Variants in HECA observed in about 807,000 individuals in gnomAD.
HECA encodes the protein headcase protein homolog.
HECA carries 13 observed loss-of-function variants against 37.6 expected under a neutral mutation model. That is an observed-to-expected ratio of 0.35 (90% CI 0.23 to 0.55). The LOEUF (loss-of-function observed/expected upper bound fraction) is 0.55, where lower values mean the gene tolerates loss of function less well. Among genes scored for constraint, HECA ranks in the 20% least tolerant of loss-of-function variants. HECA has a pLI of 0.90. For synonymous variants in HECA, 307 were observed against 291.5 expected (o/e 1.05, Z -0.54); for missense variants, 527 against 701.9 (o/e 0.75, Z 2.82).
chr6:139,170,642 G>A (rs1163793515), intron 2 of HECA: 1 of 152,208 alleles, frequency 6.6e-6, no homozygotes, highest in African/African-American at 2.4e-5. Context: ...TGTTTGGTTG[G>A]AGCCAAGGGT....
intron 1 of HECA, 130 bp from the exon 2 acceptor site, chr6:139,166,154 A>G (rs1759504031): frequency 6.7e-6 from 5 of 744,252 alleles, no homozygotes; most frequent in Non-Finnish European, 8.9e-6. Context: ...TTCATCTTTA[A>G]AGGAACCCTG....
chr6:139,146,859 T>TTCCACTGTGTTAGG (rs1774591682), intron 1 of HECA, among the ~76,000 whole-genome samples: 2 of 152,218 alleles, frequency 1.3e-5, no homozygotes, highest in Admixed American at 1.3e-4. Context: ...AATGATACAG[T>TTCCACTGTGTTAGG]TCCACTGTGT....
At position 139,166,930 on chromosome 6, in the gene HECA, T is replaced by A; in HGVS notation, c.918T>A (p.Pro306=). 1.2e-6 allele frequency: 2 copies of A among 1,614,122 alleles called. No individual in the cohort carries two copies. Among genetic ancestry groups the A allele is most frequent in the Non-Finnish European group, 1.7e-6 (2 of 1,180,002 alleles). The change falls in exon 2 of 4, where the codon CCT becomes CCA. Residue 306 remains proline (P), a synonymous_variant. Transcript: ENST00000367658. The part of the protein sequence containing the change: ...EFLKNAIHLE[P]HKKAMAGGHV... ...TAAAGAACGCCATCCATCTGGAGCC[T>A]CACAAGAAGGCCATGGCTGGGGGCC...
chr6:139,173,855 T>C (rs1458299943), intron 2 of HECA, among the ~76,000 whole-genome samples: 1 of 152,218 alleles, frequency 6.6e-6, no homozygotes, highest in Non-Finnish European at 1.5e-5. Flanking sequence ...TTAGATGTGG[T>C]GATGGCTGAG....
Position 139,135,379 on chromosome 6 carries a change from T to G in HECA, c.-18T>G. 1.5e-6 allele frequency: 2 copies of G among 1,347,572 alleles called. No homozygotes were observed. Among genetic ancestry groups the G allele is most frequent in the South Asian group, 1.4e-5 (1 of 72,578 alleles). 83.5% of individuals were successfully genotyped at this position (1,347,572 alleles called of 1,614,324 possible). ...CCTTCGCTGACGCCGGGCACCTACC[T>G]GGACGCGAGCGAGCGAGATGCCCAA... is the stretch of plus-strand genomic sequence containing the variant. On this transcript the variant is annotated 5_prime_UTR_variant, in exon 1 of 4. Coordinates refer to ENST00000367658, the MANE Select transcript of HECA (RefSeq NM_016217.3).
chr6:139,167,115 T>C lies in HECA; in HGVS notation c.1103T>C (p.Met368Thr), dbSNP rs752224117. ...AAGCTGAACACTTTCCACGTGCGCATGGAAGACGATGCCCAAGTGGGCCAG... is the reference window on the plus strand; with the variant it reads ...AAGCTGAACACTTTCCACGTGCGCACGGAAGACGATGCCCAAGTGGGCCAG... Reference protein sequence around the residue: ...RHKLNTFHVRMEDDAQVGQGE... With the variant: ...RHKLNTFHVRTEDDAQVGQGE... Residue 368 changes from methionine to threonine, a missense_variant, in exon 2 of 4, where the codon ATG becomes ACG. Met to Thr is a moderately conservative substitution (Grantham distance 81). This residue lies in a region of HECA where 228 missense variants were observed against 259.8 expected (regional missense o/e 0.88). Transcript: ENST00000367658. 1.9e-6 allele frequency: 3 copies of C among 1,614,188 alleles called. No individual in the cohort carries two copies. The South Asian group carries it at 3.3e-5, about 18-fold the overall frequency.
At chr6:139,148,102 G>C (rs950269825) in intron 1 of HECA, among the ~76,000 whole-genome samples, 1 of 151,924 alleles carries the variant, frequency 6.6e-6, no homozygotes, top group African/African-American at 2.4e-5. Flanking sequence ...TTTCTTGTTT[G>C]TGATTTTTGT....
intron 1 of HECA, among the ~76,000 whole-genome samples, chr6:139,149,858 T>C (rs151189239): frequency 1.1e-4 from 16 of 152,290 alleles, no homozygotes; most frequent in Non-Finnish European, 2.2e-4. Context: ...ATAGCTGACT[T>C]TGGGATTCTT....
At chr6:139,171,398 G>C (rs577700520) in intron 2 of HECA, among the ~76,000 whole-genome samples, 2 of 152,254 alleles carry the variant, frequency 1.3e-5, no homozygotes, top group Non-Finnish European at 2.9e-5. Context: ...CATTAGATGT[G>C]CCCACAAAGA....
Position 139,168,425 on chromosome 6 carries a change from G to GTT in HECA, c.1312+1117_1312+1118dup, listed in dbSNP as rs11428839. ...TTAATTGATTATTTTGATTTGCATA[G>GTT]TTTTTTTTTTTTTTTTTAACTTTGG... is the stretch of plus-strand genomic sequence containing the variant. On this transcript the variant is annotated intron_variant, in intron 2 of 3. Coordinates refer to ENST00000367658, the MANE Select transcript of HECA (RefSeq NM_016217.3). Among the ~76,000 whole-genome samples, 104 of 138,194 alleles carry GTT rather than the reference G, an allele frequency of 7.5e-4. 2 individuals are homozygous for GTT. The highest frequency in any genetic ancestry group is 2.1e-3 in the African/African-American group (80 of 37,532). The allele number at this position is 138,194 out of a possible 152,430, so 90.7% of individuals were successfully genotyped here.
chr6:139,174,528 C>T lies in HECA; in HGVS notation c.1456C>T (p.Pro486Ser), dbSNP rs1775023719. The change falls in exon 3 of 4, where the codon CCA becomes TCA. Residue 486 changes from proline to serine, a missense_variant. Around this residue, in one of 4 missense-constraint regions of HECA, gnomAD observed 106 missense variants for 193.4 expected, o/e 0.55. Coordinates refer to ENST00000367658, the MANE Select transcript of HECA (RefSeq NM_016217.3). ...CACCTACGACATCCTGGCTGCCTCTCCATGTTGTCAGGTAGGTACTGAACA... is the reference window on the plus strand; with the variant it reads ...CACCTACGACATCCTGGCTGCCTCTTCATGTTGTCAGGTAGGTACTGAACA... Reference protein sequence around the residue: ...MYTYDILAASPCCQARLNCKH... With the variant: ...MYTYDILAASSCCQARLNCKH... The T allele has an allele frequency of 6.2e-7, 1 of 1,613,776 alleles. No homozygotes were observed. Among genetic ancestry groups the T allele is most frequent in the Non-Finnish European group, 8.5e-7 (1 of 1,179,922 alleles).
intron 1 of HECA, among the ~76,000 whole-genome samples, chr6:139,136,267 T>TAAAAAAAAAAAAAAA (rs71674341): frequency 1.5e-5 from 2 of 132,042 alleles, no homozygotes; most frequent in Non-Finnish European, 3.2e-5. Context: ...AGCCCGGAGT[T>TAAAAAAAAAAAAAAA]AAAAAAAAAA....
Position 139,135,653 on chromosome 6 carries a change from G to T in HECA, c.257G>T (p.Gly86Val). The T allele has an allele frequency of 9.2e-6, 9 of 981,786 alleles. No homozygotes were observed. Among genetic ancestry groups the T allele is most frequent in the Non-Finnish European group, 1.1e-5 (9 of 826,980 alleles). 60.8% of individuals were successfully genotyped at this position (981,786 alleles called of 1,614,324 possible). Residue 86 changes from glycine to valine, a missense_variant, in exon 1 of 4, where the codon GGC becomes GTC. By Grantham distance (109) the Gly-to-Val change is moderately radical. This residue lies in a region of HECA where 172 missense variants were observed against 197.6 expected (regional missense o/e 0.87). Transcript: ENST00000367658. ...AAAAAGAAAAGDAKNEAPCAT... is the reference protein window; with the variant it reads ...AAAAAGAAAAVDAKNEAPCAT... The stretch of plus-strand genomic sequence containing the variant: ...GCCGCCGCGGGGGCTGCGGCCGCGG[G>T]CGATGCCAAAAACGGTAAGACGGGG...
intron 1 of HECA, among the ~76,000 whole-genome samples, chr6:139,139,753 AAG>A (rs1171300430): frequency 6.6e-6 from 1 of 152,226 alleles, no homozygotes; most frequent in African/African-American, 2.4e-5. Context: ...TCCCCCCAGG[AAG>A]AGAGCATGAC....
At position 139,166,587 on chromosome 6, in the gene HECA, A is replaced by T; in HGVS notation, c.575A>T (p.Tyr192Phe). 1 of 1,614,230 alleles carries T rather than the reference A, an allele frequency of 6.2e-7. No individual in the cohort carries two copies. Among genetic ancestry groups the T allele is most frequent in the Non-Finnish European group, 8.5e-7 (1 of 1,180,036 alleles). Residue 192 changes from tyrosine (Y) to phenylalanine (F), a missense_variant, in exon 2 of 4, where the codon TAT (tyrosine) becomes TTT (phenylalanine). By Grantham distance (22) the Tyr-to-Phe change is conservative. Around this residue, in one of 4 missense-constraint regions of HECA, gnomAD observed 228 missense variants for 259.8 expected, o/e 0.88. Coordinates refer to ENST00000367658, the MANE Select transcript of HECA (RefSeq NM_016217.3). ...CACTTGAAGAAGGACACAGACTGGT[A>T]TCAGGTGAAGCGGATGCAGGACGAG... ...QGHLKKDTDWYQVKRMQDEKK... is the reference protein window; with the variant it reads ...QGHLKKDTDWFQVKRMQDEKK...
At chr6:139,147,425 A>T (rs1218541976) in intron 1 of HECA, among the ~76,000 whole-genome samples, 1 of 152,052 alleles carries the variant, frequency 6.6e-6, no homozygotes, top group East Asian at 1.9e-4. Flanking sequence ...CAGGAGTTCG[A>T]AACCAGCCTG....
chr6:139,171,993 C>A (rs912488242), intron 2 of HECA, among the ~76,000 whole-genome samples: 1 of 152,034 alleles, frequency 6.6e-6, no homozygotes, highest in African/African-American at 2.4e-5. Flanking sequence ...CCACGCCTAG[C>A]TAATTTTTTT....
At chr6:139,148,728 T>C (rs898375242) in intron 1 of HECA, among the ~76,000 whole-genome samples, 11 of 151,864 alleles carry the variant, frequency 7.2e-5, no homozygotes, top group African/African-American at 2.7e-4. Context: ...ATCATGCCTC[T>C]AAACTCCAGC....
Position 139,135,353 on chromosome 6 carries a change from G to T in HECA, c.-44G>T. The T allele has an allele frequency of 7.8e-7, 1 of 1,287,410 alleles. No individual in the cohort carries two copies. Among genetic ancestry groups the T allele is most frequent in the Non-Finnish European group, 1.0e-6 (1 of 989,882 alleles). The allele number at this position is 1,287,410 out of a possible 1,614,324, so 79.7% of individuals were successfully genotyped here. A position where few individuals can be genotyped will look rare whatever the true frequency, so the allele number is the denominator to read the frequency against. ...GGGAACGGCCGTGCCTCTGGGATCC[G>T]CCTTCGCTGACGCCGGGCACCTACC... is the stretch of plus-strand genomic sequence containing the variant. On this transcript the variant is annotated 5_prime_UTR_variant, in exon 1 of 4. Transcript: ENST00000367658.
Sources: allele counts gnomAD v4.1 joint callset (sites outside exome capture counted in the v4.1 genomes callset), GRCh38; gene constraint gnomAD v4.1.1; regional missense constraint gnomAD v4.1.1; transcripts MANE v1.5; gene names NCBI Gene and HGNC (gene_info 2026-07-23, HGNC 2026-07-21).